CSNK2A2IP: variants seen among roughly 807,000 people sequenced by gnomAD.
CSNK2A2IP encodes the protein casein kinase II subunit alpha'-interacting protein.
the CSNK2A2IP span, among the ~76,000 whole-genome samples, chr3:88,420,581 A>G: frequency 6.6e-6 from 1 of 152,202 alleles, no homozygotes; most frequent in Admixed American, 6.5e-5. Context: ...ATATGATTCT[A>G]CAACATAAAA....
chr3:88,451,367 A>G, the CSNK2A2IP span, among the ~76,000 whole-genome samples: 1 of 150,368 alleles, frequency 6.7e-6, no homozygotes, highest in Non-Finnish European at 1.5e-5. Context: ...CCTATTGGCC[A>G]TTTTTATGTC....
At chr3:88,456,517 A>T in the CSNK2A2IP span, among the ~76,000 whole-genome samples, 1 of 152,054 alleles carries the variant, frequency 6.6e-6, no homozygotes, top group Non-Finnish European at 1.5e-5. Context: ...AATGTATAAA[A>T]ATGCAGCTGA....
At chr3:88,357,420 TG>T in the CSNK2A2IP span, among the ~76,000 whole-genome samples, 1 of 152,178 alleles carries the variant, frequency 6.6e-6, no homozygotes, top group South Asian at 2.1e-4. Context: ...GTTCCATTAG[TG>T]TTGCTGGGTT....
the CSNK2A2IP span, chr3:88,465,158 A>G: frequency 2.5e-6 from 1 of 393,318 alleles, no homozygotes; most frequent in South Asian, 1.4e-4. Context: ...AAATGGTGAC[A>G]ATCTTTTTCA....
chr3:88,367,133 T>C, the CSNK2A2IP span, among the ~76,000 whole-genome samples: 1 of 152,080 alleles, frequency 6.6e-6, no homozygotes, highest in Admixed American at 6.6e-5. Context: ...TAATCAATAT[T>C]GTAAGTTTAA....
chr3:88,406,981 AAATTGCCCAGGC>A, the CSNK2A2IP span, among the ~76,000 whole-genome samples: 1 of 152,144 alleles, frequency 6.6e-6, no homozygotes, highest in Non-Finnish European at 1.5e-5. Flanking sequence ...TGGCTTAGGA[AAATTGCCCAGGC>A]AATTGCTTTT....
At chr3:88,422,926 T>C in the CSNK2A2IP span, among the ~76,000 whole-genome samples, 12 of 152,238 alleles carry the variant, frequency 7.9e-5, no homozygotes, top group Non-Finnish European at 1.5e-4. Context: ...TTTAGTTTTT[T>C]TGTAATTGAG....
the CSNK2A2IP span, among the ~76,000 whole-genome samples, chr3:88,360,397 T>G: frequency 6.6e-6 from 1 of 152,160 alleles, no homozygotes; most frequent in Non-Finnish European, 1.5e-5. Flanking sequence ...CCTCCCAAAG[T>G]GCTGGGATTA....
chr3:88,456,757 C>A, the CSNK2A2IP span, among the ~76,000 whole-genome samples: 1 of 150,300 alleles, frequency 6.7e-6, no homozygotes, highest in Non-Finnish European at 1.5e-5. Flanking sequence ...GTCAAAAAAT[C>A]TGCTGTTTTA....
the CSNK2A2IP span, among the ~76,000 whole-genome samples, chr3:88,389,459 A>G: frequency 6.6e-6 from 1 of 152,164 alleles, no homozygotes; most frequent in African/African-American, 2.4e-5. Flanking sequence ...ATGAGGTTGG[A>G]GACTTCAGGG....
chr3:88,393,887 G>A, the CSNK2A2IP span, among the ~76,000 whole-genome samples: 2 of 152,192 alleles, frequency 1.3e-5, no homozygotes, highest in African/African-American at 2.4e-5. Context: ...AGATAGTACA[G>A]AGGATGAGGA....
the CSNK2A2IP span, among the ~76,000 whole-genome samples, chr3:88,415,171 G>A: frequency 2.6e-5 from 4 of 151,816 alleles, no homozygotes; most frequent in Non-Finnish European, 5.9e-5. Flanking sequence ...AATTCCTCAC[G>A]AGTATTTCAT....
chr3:88,342,629 C>CTTTTAGCAATACTCAGAACT, the CSNK2A2IP span, among the ~76,000 whole-genome samples: 1 of 150,784 alleles, frequency 6.6e-6, no homozygotes, highest in African/African-American at 2.4e-5. Context: ...ATACTCAGAA[C>CTTTTAGCAATACTCAGAACT]TTTTTTTGTC....
chr3:88,396,905 T>C, the CSNK2A2IP span, among the ~76,000 whole-genome samples: 3 of 151,986 alleles, frequency 2.0e-5, no homozygotes, highest in African/African-American at 2.4e-5. Context: ...ATGGAAAGAA[T>C]TGGATATATT....
chr3:88,400,660 AGAATGG>A, the CSNK2A2IP span, among the ~76,000 whole-genome samples: 514 of 152,312 alleles, frequency 3.4e-3, 2 homozygotes, highest in African/African-American at 0.012. Context: ...TGACGATGAC[AGAATGG>A]AACCACAAAC....
At chr3:88,390,723 A>T in the CSNK2A2IP span, among the ~76,000 whole-genome samples, 6 of 152,190 alleles carry the variant, frequency 3.9e-5, no homozygotes, top group Non-Finnish European at 8.8e-5. Context: ...GCAGTCTGAA[A>T]TAATTAGTGC....
At chr3:88,453,867 C>G in the CSNK2A2IP span, among the ~76,000 whole-genome samples, 1 of 151,950 alleles carries the variant, frequency 6.6e-6, no homozygotes, top group Non-Finnish European at 1.5e-5. Context: ...AGATTGATTA[C>G]AGTTTTTGAC....
At chr3:88,368,029 A>G in the CSNK2A2IP span, among the ~76,000 whole-genome samples, 1 of 152,042 alleles carries the variant, frequency 6.6e-6, no homozygotes, top group Non-Finnish European at 1.5e-5. Context: ...ATCAAAAAGT[A>G]TGAGCTAAAC....
At chr3:88,340,313 T>C in the CSNK2A2IP span, among the ~76,000 whole-genome samples, 1 of 151,998 alleles carries the variant, frequency 6.6e-6, no homozygotes, top group Non-Finnish European at 1.5e-5. Flanking sequence ...GGAATGTACT[T>C]GTTAACACTG....
Sources: allele counts gnomAD v4.1 joint callset (sites outside exome capture counted in the v4.1 genomes callset), GRCh38; gene constraint gnomAD v4.1.1; transcripts MANE v1.5; gene names NCBI Gene and HGNC (gene_info 2026-07-23, HGNC 2026-07-21).